The following PDE1C variants were observed in gnomAD, a reference collection of about 807,000 sequenced individuals.
PDE1C encodes the protein phosphodiesterase 1C, also known as dual specificity calcium/calmodulin-dependent 3',5'-cyclic nucleotide phosphodiesterase 1C.
In PDE1C, 62 loss-of-function variants were observed where a neutral mutation model predicts 93.1. The observed-to-expected ratio is 0.67, with a 90% confidence interval of 0.54 to 0.82. The LOEUF is 0.82. Among genes scored for constraint, PDE1C ranks in the 40% least tolerant of loss-of-function variants. PDE1C has a pLI of 0.00. For synonymous variants in PDE1C, 325 were observed against 310.1 expected, an observed-to-expected ratio of 1.05 and a Z score of -0.50; for missense variants, 742 against 884.6, an observed-to-expected ratio of 0.84 and a Z score of 2.04.
intron 2 of PDE1C, among the ~76,000 whole-genome samples, chr7:32,023,434 A>G (rs1483304232): frequency 6.6e-6 from 1 of 152,158 alleles, no homozygotes; most frequent in African/African-American, 2.4e-5. Context: ...TTTAAGACAT[A>G]CATCACGAGA....
chr7:31,997,455 C>T (rs1784859302), intron 2 of PDE1C, among the ~76,000 whole-genome samples: 1 of 152,300 alleles, frequency 6.6e-6, no homozygotes, highest in South Asian at 2.1e-4. Flanking sequence ...GCCCTTGAAG[C>T]ATTTCCACAG....
upstream of PDE1C, chr7:32,299,490 T>C (rs11764617): frequency 0.09 from 79,113 of 879,550 alleles, 3,826 homozygotes; most frequent in Non-Finnish European, 0.098. Context: ...ACTCGCCCCT[T>C]ACCAACCATT....
intron 1 of PDE1C, among the ~76,000 whole-genome samples, chr7:32,416,661 G>T (rs1361975230): frequency 6.6e-6 from 1 of 152,028 alleles, no homozygotes; most frequent in Admixed American, 6.6e-5. Flanking sequence ...GTGAGCATGG[G>T]ATGACAGACA....
chr7:31,951,143 T>C (rs1340214866), intron 2 of PDE1C, among the ~76,000 whole-genome samples: 1 of 152,210 alleles, frequency 6.6e-6, no homozygotes, highest in Non-Finnish European at 1.5e-5. Flanking sequence ...TCGATGAGGA[T>C]CCTACTCTCA....
intron 1 of PDE1C, among the ~76,000 whole-genome samples, chr7:32,402,863 G>A (rs1290020364): frequency 1.3e-5 from 2 of 152,206 alleles, no homozygotes; most frequent in African/African-American, 4.8e-5. Flanking sequence ...GTCAGGATAA[G>A]AGTTAAAGAA....
At chr7:31,791,011 C>T (rs1048382242) in intron 16 of PDE1C, among the ~76,000 whole-genome samples, 13 of 152,160 alleles carry the variant, frequency 8.5e-5, no homozygotes, top group Admixed American at 2.6e-4. Context: ...GAAAGTGTTC[C>T]CTTCTATGCA....
the PDE1C span, among the ~76,000 whole-genome samples, chr7:31,665,005 CA>C: frequency 6.6e-6 from 1 of 152,158 alleles, no homozygotes; most frequent in Non-Finnish European, 1.5e-5. Flanking sequence ...CACTCCTTAC[CA>C]AAATCTGCAA....
At chr7:31,866,144 T>C (rs1795269671) in intron 6 of PDE1C, among the ~76,000 whole-genome samples, 2 of 152,088 alleles carry the variant, frequency 1.3e-5, no homozygotes, top group South Asian at 2.1e-4. Context: ...GGGTAAATTA[T>C]ACAATATAAG....
intron 2 of PDE1C, among the ~76,000 whole-genome samples, chr7:32,201,329 G>C (rs769159613): frequency 1.3e-5 from 2 of 152,168 alleles, no homozygotes; most frequent in Non-Finnish European, 2.9e-5. Flanking sequence ...GGAGGTGCTT[G>C]GAGTGCAACA....
At chr7:32,090,126 G>A (rs934813157) in intron 3 of PDE1C, among the ~76,000 whole-genome samples, 2 of 152,112 alleles carry the variant, frequency 1.3e-5, no homozygotes, top group South Asian at 4.1e-4. Context: ...ATACTACACA[G>A]CTGAAAATAA....
rs560915194 is a variant in PDE1C, at chr7:31,910,855, C to A, written c.129-29995G>T. On this transcript the variant is annotated intron_variant, in intron 2 of 17. Transcript: ENST00000396191. ...AATGCATTTAAGAGGGCCTGGCCCA[C>A]GTAAACACCAGAAGAGTGTTTGCAA... is the stretch of plus-strand genomic sequence containing the variant. Among the ~76,000 whole-genome samples the A allele has an allele frequency of 2.0e-5, 3 of 152,260 alleles. No individual in the cohort carries two copies. The East Asian group carries it at 5.8e-4, about 29-fold the overall frequency.
chr7:31,794,650 G>A (rs538515071), intron 16 of PDE1C, among the ~76,000 whole-genome samples: 1 of 152,046 alleles, frequency 6.6e-6, no homozygotes, highest in African/African-American at 2.4e-5. Flanking sequence ...CCCACTTTTA[G>A]CAGACAAGTA....
At chr7:32,277,367 C>T (rs1172736602) in intron 1 of PDE1C, among the ~76,000 whole-genome samples, 1 of 152,196 alleles carries the variant, frequency 6.6e-6, no homozygotes, top group Non-Finnish European at 1.5e-5. Flanking sequence ...TTTATTAAGT[C>T]TTCTCAAATT....
At chr7:32,300,708 A>G (rs1212715892), upstream of PDE1C, among the ~76,000 whole-genome samples, 1 of 152,200 alleles carries the variant, frequency 6.6e-6, no homozygotes, top group Non-Finnish European at 1.5e-5. Flanking sequence ...CTGCACGGAA[A>G]ATTCTTCTCT....
At chr7:32,015,672 A>T (rs1430934049) in intron 2 of PDE1C, among the ~76,000 whole-genome samples, 1 of 152,176 alleles carries the variant, frequency 6.6e-6, no homozygotes, top group African/African-American at 2.4e-5. Flanking sequence ...GGAAATTTAA[A>T]TCTTCTATAC....
Position 31,859,172 on chromosome 7 carries a change from T to C in PDE1C, c.750+5770A>G, listed in dbSNP as rs1169021294. Among the ~76,000 whole-genome samples the C allele has an allele frequency of 2.0e-5, 3 of 149,422 alleles. No individual in the cohort carries two copies. The South Asian group carries it at 6.3e-4, about 31-fold the overall frequency. ...ATATGTATATTGACTATTGACTATG[T>C]ACATTTATGATTTATTGACTATATA... On this transcript the variant is annotated intron_variant, in intron 7 of 17. Coordinates refer to ENST00000396191, the MANE Select transcript of PDE1C (RefSeq NM_001191057.4).
the PDE1C span, among the ~76,000 whole-genome samples, chr7:31,718,220 T>A: frequency 6.6e-6 from 1 of 152,076 alleles, no homozygotes; most frequent in Non-Finnish European, 1.5e-5. Flanking sequence ...CTCCACAGGC[T>A]GCATCTTTTT....
chr7:32,073,383 T>C (rs372391728), upstream of PDE1C, among the ~76,000 whole-genome samples: 15 of 152,332 alleles, frequency 9.8e-5, 3 homozygotes, highest in Non-Finnish European at 1.5e-5. Context: ...CAACACAGTT[T>C]GGAGGTTTTC....
chr7:32,015,308 C>A (rs565366674), intron 2 of PDE1C, among the ~76,000 whole-genome samples: 1,739 of 144,898 alleles, frequency 0.012, 50 homozygotes, highest in African/African-American at 0.042. Context: ...AAAAAAAAAA[C>A]CACAGGGAGG....
Sources: allele counts gnomAD v4.1 joint callset (sites outside exome capture counted in the v4.1 genomes callset), GRCh38; gene constraint gnomAD v4.1.1; transcripts MANE v1.5; gene names NCBI Gene and HGNC (gene_info 2026-07-23, HGNC 2026-07-21).